CDIN1: variants seen among roughly 807,000 people sequenced by gnomAD.
CDIN1 encodes CDAN1 interacting nuclease 1.
Under a neutral mutation model 45.3 loss-of-function variants are expected in CDIN1, and 33 were observed. The ratio of observed to expected loss-of-function variants is 0.73; its 90% CI spans 0.55 to 0.97. CDIN1 has a LOEUF of 0.97. Among genes scored for constraint, CDIN1 ranks in the 50% least tolerant of loss-of-function variants. The pLI, the probability that CDIN1 is intolerant of heterozygous loss-of-function variation, is 0.00. For synonymous variants in CDIN1, 118 were observed against 124.4 expected (o/e 0.95, Z 0.34); for missense variants, 303 against 339.4 (o/e 0.89, Z 0.84).
chr15:36,681,420 G>A (rs866628331), intron 5 of CDIN1, among the ~76,000 whole-genome samples: 8 of 152,106 alleles, frequency 5.3e-5, no homozygotes, highest in African/African-American at 1.9e-4. Flanking sequence ...CTTTGTGAGA[G>A]TAGGAGACAT....
At chr15:36,656,080 G>A (rs1286894897) in intron 4 of CDIN1, among the ~76,000 whole-genome samples, 1 of 152,122 alleles carries the variant, frequency 6.6e-6, no homozygotes, top group Non-Finnish European at 1.5e-5. Flanking sequence ...AGAAAGAATA[G>A]CACTTTTCTA....
At chr15:36,745,150 A>G (rs2140951670) in intron 10 of CDIN1, among the ~76,000 whole-genome samples, 1 of 152,304 alleles carries the variant, frequency 6.6e-6, no homozygotes, top group East Asian at 1.9e-4. Flanking sequence ...AACTAAAGGG[A>G]AAAAATTGCA....
chr15:36,608,280 G>T (rs965155450), intron 1 of CDIN1, among the ~76,000 whole-genome samples: 2 of 152,128 alleles, frequency 1.3e-5, no homozygotes, highest in Non-Finnish European at 2.9e-5. Flanking sequence ...ATCATTTTAC[G>T]TTTCTCCATA....
At chr15:36,807,466 C>G (rs1321263730) in intron 10 of CDIN1, among the ~76,000 whole-genome samples, 2 of 152,170 alleles carry the variant, frequency 1.3e-5, no homozygotes, top group African/African-American at 2.4e-5. Flanking sequence ...AAACATCTCT[C>G]TGTGTGCAGT....
At chr15:36,766,635 C>T (rs1438951150) in intron 10 of CDIN1, among the ~76,000 whole-genome samples, 1 of 152,132 alleles carries the variant, frequency 6.6e-6, no homozygotes, top group African/African-American at 2.4e-5. Flanking sequence ...GGTGATATCT[C>T]TTTGTGGTTT....
chr15:36,595,510 TTATA>T (rs1221566745), intron 1 of CDIN1, among the ~76,000 whole-genome samples: 2 of 152,076 alleles, frequency 1.3e-5, no homozygotes, highest in Admixed American at 1.3e-4. Context: ...CCTGCTCATG[TTATA>T]GTACCTGAAC....
At chr15:36,756,765 A>G (rs78780729) in intron 10 of CDIN1, among the ~76,000 whole-genome samples, 4,927 of 152,254 alleles carry the variant, frequency 0.032, 254 homozygotes, top group African/African-American at 0.11. Context: ...TGTCAGCTAT[A>G]TGTAACCACA....
intron 10 of CDIN1, among the ~76,000 whole-genome samples, chr15:36,754,566 TAAAAAAAA>T (rs5811936): frequency 9.8e-6 from 1 of 102,490 alleles, no homozygotes; most frequent in Non-Finnish European, 2.0e-5. Flanking sequence ...TGGTCTCTCT[TAAAAAAAA>T]AAAAAAAAAA....
At position 36,665,248 on chromosome 15, in the gene CDIN1, C is replaced by T. The variant is rs527867221; in HGVS notation, c.346+7343C>T. 9.0e-4 allele frequency among the ~76,000 whole-genome samples: 137 copies of T among 152,164 alleles called. 1 individual carries two copies. The highest frequency in any genetic ancestry group is 1.5e-3 in the Non-Finnish European group (101 of 68,016). Reference sequence around the variant, plus strand: ...ACATGCATTGTGTGATAAATATTAACGGTAATGATTGTATTGAAAGATTTT... The same window carrying T: ...ACATGCATTGTGTGATAAATATTAATGGTAATGATTGTATTGAAAGATTTT... On this transcript the variant is annotated intron_variant, in intron 5 of 10. Transcript: ENST00000566621.
At chr15:36,642,376 G>T (rs940088646) in intron 1 of CDIN1, among the ~76,000 whole-genome samples, 2 of 152,138 alleles carry the variant, frequency 1.3e-5, no homozygotes, top group East Asian at 3.9e-4. Context: ...ACCCGAATCT[G>T]TCTTTCTGTT....
chr15:36,691,573 C>T (rs1161728597), intron 5 of CDIN1, 112 bp from the exon 6 acceptor site: 3 of 645,540 alleles, frequency 4.6e-6, no homozygotes, highest in Non-Finnish European at 7.9e-6. Context: ...TGATTAATGC[C>T]AGTCATATTT....
chr15:36,781,931 T>TTTG (rs1405764523), intron 10 of CDIN1, among the ~76,000 whole-genome samples: 1 of 152,196 alleles, frequency 6.6e-6, no homozygotes, highest in Non-Finnish European at 1.5e-5. Context: ...GGAGGGACAT[T>TTTG]TTGTTTCCTC....
chr15:36,723,491 T>G (rs1007978631), intron 10 of CDIN1, among the ~76,000 whole-genome samples: 4 of 152,214 alleles, frequency 2.6e-5, no homozygotes, highest in African/African-American at 9.6e-5. Context: ...CAACACTAGA[T>G]TAAAATATTT....
intron 10 of CDIN1, among the ~76,000 whole-genome samples, chr15:36,801,340 A>G (rs1429922279): frequency 2.6e-5 from 4 of 152,216 alleles, no homozygotes; most frequent in South Asian, 4.1e-4. Context: ...GTAAAAGCAT[A>G]CTAGTTTAAA....
intron 8 of CDIN1, among the ~76,000 whole-genome samples, chr15:36,700,732 C>G (rs756072559): frequency 2.0e-4 from 31 of 151,364 alleles, no homozygotes; most frequent in Admixed American, 1.3e-3. Flanking sequence ...AAACGTGGAG[C>G]CTTCTGGGAA....
At chr15:36,600,816 T>A (rs2038061008) in intron 1 of CDIN1, among the ~76,000 whole-genome samples, 3 of 152,186 alleles carry the variant, frequency 2.0e-5, no homozygotes, top group Non-Finnish European at 2.9e-5. Flanking sequence ...TAGTTTTCAG[T>A]AGTTTATGAA....
chr15:36,800,909 G>GTATATATATA (rs370036091), intron 10 of CDIN1, among the ~76,000 whole-genome samples: 1,039 of 22,222 alleles, frequency 0.047, 107 homozygotes, highest in Middle Eastern at 0.1. Flanking sequence ...GTGTGTGTGT[G>GTATATATATA]TATATATATA....
intron 1 of CDIN1, among the ~76,000 whole-genome samples, chr15:36,583,863 A>G (rs2037165395): frequency 6.6e-6 from 1 of 152,052 alleles, no homozygotes; most frequent in African/African-American, 2.4e-5. Context: ...AAAAATACAG[A>G]AAATTAGCTG....
At chr15:36,679,776 A>C (rs1172147829) in intron 5 of CDIN1, among the ~76,000 whole-genome samples, 2 of 152,130 alleles carry the variant, frequency 1.3e-5, no homozygotes, top group African/African-American at 4.8e-5. Context: ...AACAGACCTT[A>C]GGGAAGCCTT....
Sources: gnomAD v4.1 joint callset for allele counts (sites outside exome capture counted in the v4.1 genomes callset) on GRCh38, gnomAD v4.1.1 for gene constraint, MANE v1.5 for transcripts, NCBI Gene and HGNC (gene_info 2026-07-23, HGNC 2026-07-21) for gene names.